Variants in SRGAP3 observed in about 807,000 individuals in gnomAD.
SRGAP3 encodes the protein SLIT-ROBO Rho GTPase activating protein 3.
In SRGAP3, 39 loss-of-function variants were observed where a neutral mutation model predicts 121.1. That is an observed-to-expected ratio of 0.32 (90% CI 0.25 to 0.42). SRGAP3 has a LOEUF of 0.42. Among genes scored for constraint, SRGAP3 ranks in the 10% least tolerant of loss-of-function variants. The probability of loss-of-function intolerance (pLI) is 1.00; values close to 1 mark genes in which losing one functional copy is unlikely to be tolerated. For missense variants in SRGAP3, 1,213 were observed against 1,470.6 expected, an observed-to-expected ratio of 0.82 and a Z score of 2.86; for synonymous variants, 601 against 570.0, an observed-to-expected ratio of 1.05 and a Z score of -0.77.
intron 1 of SRGAP3, among the ~76,000 whole-genome samples, chr3:9,352,229 G>T (rs1450978419): frequency 6.7e-6 from 1 of 150,038 alleles, no homozygotes; most frequent in Non-Finnish European, 1.5e-5. Context: ...GTTTTTTACA[G>T]AAAATAAAAC....
intron 1 of SRGAP3, among the ~76,000 whole-genome samples, chr3:9,235,128 G>A (rs1286267869): frequency 6.6e-6 from 1 of 152,106 alleles, no homozygotes; most frequent in Non-Finnish European, 1.5e-5. Flanking sequence ...CCTCCCTAAA[G>A]GACCATTAAA....
intron 12 of SRGAP3, among the ~76,000 whole-genome samples, chr3:9,031,344 C>A (rs1026516124): frequency 6.6e-6 from 1 of 152,172 alleles, no homozygotes; most frequent in African/African-American, 2.4e-5. Flanking sequence ...TCCTTTGGTA[C>A]AGCCCTGCCC....
At chr3:9,171,863 G>A (rs549516546) in intron 1 of SRGAP3, among the ~76,000 whole-genome samples, 3 of 152,166 alleles carry the variant, frequency 2.0e-5, no homozygotes, top group South Asian at 2.1e-4. Flanking sequence ...AAGAGGACAC[G>A]GTGCTTGTCG....
chr3:9,149,138 C>T (rs1168806502), intron 1 of SRGAP3, among the ~76,000 whole-genome samples: 2 of 148,904 alleles, frequency 1.3e-5, no homozygotes, highest in Admixed American at 6.8e-5. Flanking sequence ...CGCTTGAAGC[C>T]GGGAGGCGGA....
At chr3:9,031,490 C>T (rs889804949) in intron 12 of SRGAP3, among the ~76,000 whole-genome samples, 4 of 152,156 alleles carry the variant, frequency 2.6e-5, no homozygotes, top group South Asian at 2.1e-4. Context: ...TGACATCCTT[C>T]GACCCTGGGC....
chr3:9,183,584 G>T (rs1201853578), intron 1 of SRGAP3, among the ~76,000 whole-genome samples: 1 of 152,080 alleles, frequency 6.6e-6, no homozygotes, highest in African/African-American at 2.4e-5. Flanking sequence ...ACTTGGGGCA[G>T]ATGGCAAAGG....
intron 1 of SRGAP3, among the ~76,000 whole-genome samples, chr3:9,126,573 G>A (rs1197841629): frequency 6.6e-6 from 1 of 151,958 alleles, no homozygotes; most frequent in African/African-American, 2.4e-5. Flanking sequence ...GAGGTTGCAC[G>A]CCATTGCACT....
intron 1 of SRGAP3, among the ~76,000 whole-genome samples, chr3:9,136,026 T>G (rs970327784): frequency 1.3e-5 from 2 of 152,240 alleles, no homozygotes; most frequent in Admixed American, 1.3e-4. Flanking sequence ...CCAGGCACGC[T>G]GGGCACCGAG....
chr3:9,259,619 T>G (rs1035105104), intron 3 of SRGAP3, among the ~76,000 whole-genome samples: 1 of 152,290 alleles, frequency 6.6e-6, no homozygotes, highest in East Asian at 1.9e-4. Context: ...CATATTTGTT[T>G]GTTCACTTAA....
At chr3:9,170,081 C>T (rs910904716) in intron 1 of SRGAP3, among the ~76,000 whole-genome samples, 3 of 152,144 alleles carry the variant, frequency 2.0e-5, no homozygotes, top group African/African-American at 7.2e-5. Context: ...ATGTAAAGCA[C>T]CTGACACCGC....
At chr3:9,204,205 G>C (rs1952180415) in intron 1 of SRGAP3, among the ~76,000 whole-genome samples, 1 of 152,232 alleles carries the variant, frequency 6.6e-6, no homozygotes, top group Non-Finnish European at 1.5e-5. Flanking sequence ...TTCCAAGGGA[G>C]TAGGGCCCTG....
At chr3:9,269,329 GC>G (rs1182317786) in intron 3 of SRGAP3, among the ~76,000 whole-genome samples, 2 of 152,182 alleles carry the variant, frequency 1.3e-5, no homozygotes, top group Non-Finnish European at 2.9e-5. Flanking sequence ...CCCCGGCAGT[GC>G]TGTATTATGA....
chr3:9,307,396 T>A (rs1163962166), intron 3 of SRGAP3, among the ~76,000 whole-genome samples: 1 of 152,140 alleles, frequency 6.6e-6, no homozygotes, highest in Non-Finnish European at 1.5e-5. Flanking sequence ...TGGCATGAAA[T>A]CACCTTAAGG....
At chr3:9,128,278 T>C (rs1560215311) in intron 1 of SRGAP3, among the ~76,000 whole-genome samples, 1 of 152,242 alleles carries the variant, frequency 6.6e-6, no homozygotes, top group Non-Finnish European at 1.5e-5. Context: ...TTTTGATAAA[T>C]TGTGTATTAC....
chr3:9,172,934 G>A (rs191927022), intron 1 of SRGAP3, among the ~76,000 whole-genome samples: 2 of 152,244 alleles, frequency 1.3e-5, no homozygotes, highest in Admixed American at 6.5e-5. Flanking sequence ...GGACGCCGCA[G>A]GCAGGAAGGC....
At chr3:9,234,951 G>C (rs888088524) in intron 1 of SRGAP3, among the ~76,000 whole-genome samples, 16 of 152,198 alleles carry the variant, frequency 1.1e-4, no homozygotes, top group Non-Finnish European at 1.9e-4. Flanking sequence ...AAATAAGACT[G>C]TCAGGGATGG....
chr3:9,275,160 A>C (rs1387142408), intron 3 of SRGAP3, among the ~76,000 whole-genome samples: 1 of 152,116 alleles, frequency 6.6e-6, no homozygotes, highest in East Asian at 1.9e-4. Context: ...CAAGAAAGAA[A>C]GTTTACATTG....
At chr3:9,258,737 C>T (rs755728148) in intron 3 of SRGAP3, among the ~76,000 whole-genome samples, 13 of 152,292 alleles carry the variant, frequency 8.5e-5, no homozygotes, top group African/African-American at 2.2e-4. Flanking sequence ...AGCTACAACA[C>T]GAATACTGCC....
chr3:9,242,123 T>C (rs372489149), intron 1 of SRGAP3, among the ~76,000 whole-genome samples: 4 of 147,846 alleles, frequency 2.7e-5, no homozygotes, highest in East Asian at 3.9e-4. Context: ...AAGGGAGAGA[T>C]TTCTCTCTCT....
Sources: gnomAD v4.1 joint callset for allele counts (sites outside exome capture counted in the v4.1 genomes callset) on GRCh38, gnomAD v4.1.1 for gene constraint, MANE v1.5 for transcripts, NCBI Gene and HGNC (gene_info 2026-07-23, HGNC 2026-07-21) for gene names.